Variants in DDX5 observed in about 807,000 individuals in gnomAD.
The protein encoded by DDX5 is probable ATP-dependent RNA helicase DDX5.
DDX5 carries 6 observed loss-of-function variants against 68.6 expected under a neutral mutation model. The observed-to-expected ratio is 0.09, with a 90% CI of 0.05 to 0.17. The LOEUF is 0.17. Ranked by LOEUF, DDX5 falls within the 10% of genes least tolerant of loss-of-function variation. DDX5 has a pLI of 1.00. For missense variants in DDX5, 499 were observed against 756.1 expected, an observed-to-expected ratio of 0.66 and a Z score of 3.99; for synonymous variants, 350 against 247.0, an observed-to-expected ratio of 1.42 and a Z score of -3.91.
At chr17:64,504,923 A>G (rs2038394223) in intron 1 of DDX5, 81 bp from the exon 2 acceptor site, 2 of 1,395,446 alleles carry the variant, frequency 1.4e-6, no homozygotes, top group African/African-American at 2.9e-5. Flanking sequence ...CATTGGCACA[A>G]GCTAAAAACC....
chr17:64,501,159 T>A (rs1410089571), intron 11 of DDX5: 1 of 228,006 alleles, frequency 4.4e-6, no homozygotes, highest in African/African-American at 2.3e-5. Context: ...AACAAAAAAA[T>A]GTACAAGGTC....
At chr17:64,506,301 T>G, upstream of DDX5, 1 of 1,515,860 alleles carries the variant, frequency 6.6e-7, no homozygotes, top group Non-Finnish European at 8.8e-7. Context: ...CCGGCCGCTT[T>G]CCGGCAGCCG....
At chr17:64,506,425 G>A (rs2038528687), upstream of DDX5, 3 of 1,373,222 alleles carry the variant, frequency 2.2e-6, no homozygotes, top group South Asian at 1.5e-5. Context: ...TTCCAGGATC[G>A]CCGCGCTTTC....
chr17:64,504,378 A>C (rs1183739726), intron 2 of DDX5, 60 bp from the exon 3 acceptor site: 51 of 1,395,510 alleles, frequency 3.7e-5, no homozygotes, highest in Non-Finnish European at 5.1e-5. Context: ...CTAAATACGT[A>C]ATTGATAAGC....
In DDX5 at chr17:64,504,123, TTA is replaced by T; in HGVS notation, c.308-9_308-8del. On this transcript the variant is annotated splice_polypyrimidine_tract_variant and splice_region_variant and intron_variant, in intron 3 of 12. Coordinates refer to ENST00000225792, the MANE Select transcript of DDX5 (RefSeq NM_004396.5). ...ATAACATCCATGACATTTGCTATAA[TTA>T]GTAACAGATATTTAGTAAAAATTAG... 6.2e-7 allele frequency: 1 copy of T among 1,614,008 alleles called. No homozygotes were observed. Among genetic ancestry groups the T allele is most frequent in the South Asian group, 1.1e-5 (1 of 91,074 alleles).
chr17:64,506,626 G>A (rs938252241), upstream of DDX5: 1 of 380,404 alleles, frequency 2.6e-6, no homozygotes, highest in South Asian at 2.8e-5. Flanking sequence ...CCTCACGTCT[G>A]TAACCAAAAG....
chr17:64,500,072 T>G lies in DDX5; in HGVS notation c.1696A>C (p.Thr566Pro). Residue 566 changes from threonine to proline, a missense_variant, in exon 13 of 13, where the codon ACT becomes CCT. This residue lies in a region of DDX5 where 171 missense variants were observed against 174.8 expected (regional missense o/e 0.98). Transcript: ENST00000225792. ...TSFRTGNPTG[T>P]YQNGYDSTQQ... Reference sequence around the variant, plus strand: ...GTGCTATCATAACCATTCTGGTAAGTCCCTGTTGGATTACCAGTCCTAAAA... The same window carrying G: ...GTGCTATCATAACCATTCTGGTAAGGCCCTGTTGGATTACCAGTCCTAAAA... The G allele has an allele frequency of 6.2e-7, 1 of 1,614,192 alleles. No individual in the cohort carries two copies. Among genetic ancestry groups the G allele is most frequent in the African/African-American group, 1.3e-5 (1 of 75,060 alleles).
intron 4 of DDX5, 25 bp from the exon 5 acceptor site, chr17:64,503,893 A>C (rs1233914460): frequency 1.2e-6 from 2 of 1,613,938 alleles, no homozygotes; most frequent in Non-Finnish European, 8.5e-7. Context: ...AGTGGGGACA[A>C]ACAGAAATCA....
At position 64,504,841 on chromosome 17, in the gene DDX5, ACCTGG is replaced by A. The variant is rs1555671845; in HGVS notation, c.45-4_45del. 4 of 1,593,320 alleles carry A rather than the reference ACCTGG, an allele frequency of 2.5e-6. No individual in the cohort carries two copies. The Admixed American group carries it at 5.6e-5, about 22-fold the overall frequency. ...CTTCCTCCAAATCGAGGTGCACCAAACCTGGAATGAAAAAAAACGTTATTCACATT... is the reference window on the plus strand; with the variant it reads ...CTTCCTCCAAATCGAGGTGCACCAAAAATGAAAAAAAACGTTATTCACATT... On this transcript the variant is annotated splice_acceptor_variant and splice_polypyrimidine_tract_variant and coding_sequence_variant and intron_variant, in exon 2 of 13. Transcript: ENST00000225792. LOFTEE classifies it high-confidence loss of function.
chr17:64,500,323 C>T lies in DDX5; in HGVS notation c.1445G>A (p.Arg482His), dbSNP rs782353387. The T allele has an allele frequency of 1.0e-5, 16 of 1,600,914 alleles. No homozygotes were observed. Among genetic ancestry groups the T allele is most frequent in the East Asian group, 2.2e-5 (1 of 44,736 alleles). Residue 482 changes from arginine (R) to histidine (H), a missense_variant, in exon 13 of 13, where the codon CGT becomes CAT. Arg to His is a conservative substitution (Grantham distance 29, BLOSUM62 0). This residue lies in a region of DDX5 where 171 missense variants were observed against 174.8 expected (regional missense o/e 0.98). Coordinates refer to ENST00000225792, the MANE Select transcript of DDX5 (RefSeq NM_004396.5). ...LQLVEDRGSG[R>H]SRGRGGMKDD... Reference sequence around the variant, plus strand: ...CTTCATGCCTCCTCTACCCCTGGAACGACCTGTCAAGAAAACAATTGCAAA... The same window carrying T: ...CTTCATGCCTCCTCTACCCCTGGAATGACCTGTCAAGAAAACAATTGCAAA...
chr17:64,506,019 GACCCGCCC>G, intron 1 of DDX5, 49 bp downstream of exon 1: 2 of 1,360,380 alleles, frequency 1.5e-6, no homozygotes, highest in Non-Finnish European at 2.0e-6. Flanking sequence ...CCGCCACCCT[GACCCGCCC>G]TCCCATCCCC....
At chr17:64,504,992 C>CTCTCCT (rs10682250) in intron 1 of DDX5, 150 bp from the exon 2 acceptor site, 82,318 of 620,502 alleles carry the variant, frequency 0.13, 15,290 homozygotes, top group African/African-American at 0.69. Flanking sequence ...ATCTCTCTCT[C>CTCTCCT]TCTCAACAGC....
Position 64,505,955 on chromosome 17 carries a change from G to A in DDX5, c.44+121C>T, listed in dbSNP as rs60267992. ...AAAATGGCGCAAGCCTTCGGGAAAG[G>A]AAGTCCCAAGATAGCCCGGAAAGGC... is the stretch of plus-strand genomic sequence containing the variant. On this transcript the variant is annotated intron_variant, in intron 1 of 12. Coordinates refer to ENST00000225792, the MANE Select transcript of DDX5 (RefSeq NM_004396.5). The A allele has an allele frequency of 0.011, 17,163 of 1,537,122 alleles. 1,556 individuals carry two copies. In the African/African-American group the frequency reaches 0.21, roughly 18 times the overall value.
chr17:64,500,466 C>T (rs782160827), intron 12 of DDX5, 83 bp downstream of exon 12: 7 of 1,517,522 alleles, frequency 4.6e-6, no homozygotes, highest in African/African-American at 2.8e-5. Context: ...CAAGGTTTTA[C>T]TCACCCTCCA....
In DDX5 at chr17:64,499,128, A is replaced by G. The variant is rs528131377; in HGVS notation, c.*795T>C. On this transcript the variant is annotated 3_prime_UTR_variant, in exon 13 of 13. Coordinates refer to ENST00000225792, the MANE Select transcript of DDX5 (RefSeq NM_004396.5). ...TAGCTCCTGGCCATCTTAAAGGGCT[A>G]ATGTATGTCTTTCACAGGTTTGTTC... 7.9e-5 allele frequency among the ~76,000 whole-genome samples: 12 copies of G among 152,340 alleles called. No individual in the cohort carries two copies. The highest frequency in any genetic ancestry group is 2.9e-4 in the African/African-American group (12 of 41,588).
rs1457277300 is a variant in DDX5 at position 64,498,756 on chromosome 17, C to T, written c.*1167G>A. ...CATTCAGACCCACTTCTAGCTATTACTGAAATAAATGATTAGAAAGTTACG... is the reference window on the plus strand; with the variant it reads ...CATTCAGACCCACTTCTAGCTATTATTGAAATAAATGATTAGAAAGTTACG... On this transcript the variant is annotated 3_prime_UTR_variant, in exon 13 of 13. Coordinates refer to ENST00000225792, the MANE Select transcript of DDX5 (RefSeq NM_004396.5). Among the ~76,000 whole-genome samples the T allele has an allele frequency of 1.3e-5, 2 of 152,146 alleles. No individual in the cohort carries two copies. Among genetic ancestry groups the T allele is most frequent in the African/African-American group, 4.8e-5 (2 of 41,442 alleles).
intron 1 of DDX5, chr17:64,505,499 T>C (rs1598155746): frequency 1.7e-6 from 1 of 585,338 alleles, no homozygotes; most frequent in African/African-American, 1.9e-5. Flanking sequence ...GGGGCGGCGC[T>C]TCCCCCTTTG....
chr17:64,504,681 G>C lies in DDX5; in HGVS notation c.206C>G (p.Thr69Arg). 6.2e-7 allele frequency: 1 copy of C among 1,611,912 alleles called. No homozygotes were observed. The highest frequency in any genetic ancestry group is 1.1e-5 in the South Asian group (1 of 90,634). ...YQEHPDLARR[T>R]AQEVETYRRS... ...AAGCCACATGAATTTACTCACTGCT[G>C]TGCGCCTAGCCAAATCAGGGTGCTC... Residue 69 changes from threonine to arginine, a missense_variant, in exon 2 of 13, where the codon ACA becomes AGA. Thr to Arg is a moderately conservative substitution (Grantham distance 71). Around this residue, in one of 5 missense-constraint regions of DDX5, gnomAD observed 140 missense variants for 135.7 expected, o/e 1.03. Coordinates refer to ENST00000225792, the MANE Select transcript of DDX5 (RefSeq NM_004396.5).
chr17:64,498,830 A>C lies in DDX5; in HGVS notation c.*1093T>G, dbSNP rs1555670336. On this transcript the variant is annotated 3_prime_UTR_variant, in exon 13 of 13. Coordinates refer to ENST00000225792, the MANE Select transcript of DDX5 (RefSeq NM_004396.5). ...AAGCTATCCCCTGGATCTTTCTAGC[A>C]ATAAACCCATGTTGAACCTACCATG... 2.0e-5 allele frequency among the ~76,000 whole-genome samples: 3 copies of C among 152,244 alleles called. No individual in the cohort carries two copies. Among genetic ancestry groups the C allele is most frequent in the Non-Finnish European group, 4.4e-5 (3 of 68,038 alleles).
Sources: gnomAD v4.1 joint callset for allele counts (sites outside exome capture counted in the v4.1 genomes callset) on GRCh38, gnomAD v4.1.1 for gene constraint, gnomAD v4.1.1 regional missense constraint, MANE v1.5 for transcripts, NCBI Gene and HGNC (gene_info 2026-07-23, HGNC 2026-07-21) for gene names.